SCAPER: variants seen among roughly 807,000 people sequenced by gnomAD.
SCAPER encodes S-phase cyclin A associated protein in the ER.
A neutral mutation model predicts 182.2 loss-of-function variants in SCAPER; 98 were observed. The ratio of observed to expected loss-of-function variants is 0.54; its 90% CI spans 0.46 to 0.64. The LOEUF (loss-of-function observed/expected upper bound fraction) is 0.64. Among genes scored for constraint, SCAPER ranks in the 30% least tolerant of loss-of-function variants. The probability of loss-of-function intolerance (pLI) is 0.00; values close to 1 mark genes in which losing one functional copy is unlikely to be tolerated. For missense variants in SCAPER, 1,432 were observed against 1,690.0 expected, an observed-to-expected ratio of 0.85 and a Z score of 2.68; for synonymous variants, 605 against 564.6, an observed-to-expected ratio of 1.07 and a Z score of -1.01.
At chr15:76,786,070 T>C (rs2064576766) in intron 8 of SCAPER, among the ~76,000 whole-genome samples, 2 of 152,084 alleles carry the variant, frequency 1.3e-5, no homozygotes, top group African/African-American at 4.8e-5. Context: ...GGCTCATGCC[T>C]GTAATCCCAG....
chr15:76,807,085 A>C (rs1310111038), intron 5 of SCAPER, among the ~76,000 whole-genome samples: 2 of 152,172 alleles, frequency 1.3e-5, no homozygotes, highest in East Asian at 3.8e-4. Context: ...TAGAACCTTT[A>C]GTACAATATT....
At chr15:76,808,189 G>C (rs1412442616) in intron 5 of SCAPER, among the ~76,000 whole-genome samples, 1 of 152,156 alleles carries the variant, frequency 6.6e-6, no homozygotes, top group African/African-American at 2.4e-5. Context: ...GGGTTTGTCT[G>C]CATACTTTTC....
At chr15:76,799,221 T>A (rs769210337) in intron 7 of SCAPER, among the ~76,000 whole-genome samples, 38 of 152,146 alleles carry the variant, frequency 2.5e-4, no homozygotes, top group Middle Eastern at 3.2e-3. Flanking sequence ...TGAGTTTTAA[T>A]CTTTGAATTA....
At chr15:76,848,744 T>A (rs2070405129) in intron 4 of SCAPER, among the ~76,000 whole-genome samples, 3 of 152,240 alleles carry the variant, frequency 2.0e-5, no homozygotes, top group Admixed American at 1.3e-4. Context: ...ATGTAATTTT[T>A]AAAATATAAA....
At chr15:76,484,824 G>A (rs1362665088) in intron 24 of SCAPER, among the ~76,000 whole-genome samples, 3 of 151,960 alleles carry the variant, frequency 2.0e-5, no homozygotes, top group African/African-American at 4.8e-5. Flanking sequence ...TACCTCAATA[G>A]ATGGAGAAAA....
intron 22 of SCAPER, among the ~76,000 whole-genome samples, chr15:76,603,154 T>G (rs1052989840): frequency 8.4e-6 from 1 of 119,324 alleles, no homozygotes; most frequent in South Asian, 2.6e-4. Flanking sequence ...CATTTAGCAT[T>G]AGGTATATCT....
chr15:76,444,243 A>G (rs1313735966), intron 25 of SCAPER, among the ~76,000 whole-genome samples: 1 of 152,108 alleles, frequency 6.6e-6, no homozygotes, highest in African/African-American at 2.4e-5. Flanking sequence ...AAAATCTGTA[A>G]AGGGCCCCAT....
chr15:76,348,504 C>T lies in SCAPER; in HGVS notation c.*129G>A, dbSNP rs553057599. ...CAGTCATTATAAATAGTGTAAAGTA[C>T]ATGCCATATCTACAGTGTGGGAAGA... On this transcript the variant is annotated 3_prime_UTR_variant, in exon 32 of 32. Coordinates refer to ENST00000563290, the MANE Select transcript of SCAPER (RefSeq NM_020843.4). The T allele has an allele frequency of 1.2e-5, 7 of 588,608 alleles. No individual in the cohort carries two copies. The South Asian group carries it at 1.9e-4, about 16-fold the overall frequency. The allele number at this position is 588,608 out of a possible 1,614,324, so 36.5% of individuals were successfully genotyped here.
chr15:76,491,373 A>T (rs991061240), intron 24 of SCAPER, among the ~76,000 whole-genome samples: 4 of 152,228 alleles, frequency 2.6e-5, no homozygotes, highest in Non-Finnish European at 5.9e-5. Flanking sequence ...TGCATAAAAC[A>T]TCCATAAACA....
chr15:76,517,032 T>C (rs1160434941), intron 23 of SCAPER, among the ~76,000 whole-genome samples: 8 of 152,094 alleles, frequency 5.3e-5, no homozygotes, highest in African/African-American at 1.7e-4. Flanking sequence ...TGTACAAAGC[T>C]AGAGGTAGCA....
At chr15:76,849,892 G>C (rs2070547052) in intron 4 of SCAPER, among the ~76,000 whole-genome samples, 1 of 152,162 alleles carries the variant, frequency 6.6e-6, no homozygotes, top group African/African-American at 2.4e-5. Flanking sequence ...AGGAGAAACA[G>C]GCACCTTCTT....
At chr15:76,702,771 G>C in intron 19 of SCAPER, 79 bp downstream of exon 19, 3 of 1,512,324 alleles carry the variant, frequency 2.0e-6, no homozygotes, top group Non-Finnish European at 2.7e-6. Flanking sequence ...AGTTTTAAAA[G>C]ACTGCAAGAA....
At chr15:76,807,864 C>T (rs2151554327) in intron 5 of SCAPER, among the ~76,000 whole-genome samples, 1 of 152,022 alleles carries the variant, frequency 6.6e-6, no homozygotes, top group South Asian at 2.1e-4. Flanking sequence ...TTTCTTATGT[C>T]CGTTTTTATT....
rs1198731713 is a variant in SCAPER at position 76,594,902 on chromosome 15, C to T, written c.2712-20618G>A. Among the ~76,000 whole-genome samples the T allele has an allele frequency of 6.6e-5, 8 of 120,988 alleles. 2 individuals are homozygous for T. The highest frequency in any genetic ancestry group is 1.2e-4 in the Non-Finnish European group (6 of 49,856). 79.4% of individuals were successfully genotyped at this position (120,988 alleles called of 152,430 possible). ...TAAACTGTAAAGACCATCAACACTA[C>T]GAAGAAATTGAATCAACTAACCGGC... On this transcript the variant is annotated intron_variant, in intron 22 of 31. Transcript: ENST00000563290.
chr15:76,645,167 G>C (rs138968876), intron 21 of SCAPER, among the ~76,000 whole-genome samples: 207 of 152,168 alleles, frequency 1.4e-3, no homozygotes, highest in African/African-American at 4.8e-3. Context: ...GAGGATGTGT[G>C]TAAGTTATAT....
At chr15:76,633,450 G>T (rs2053321945) in intron 21 of SCAPER, among the ~76,000 whole-genome samples, 1 of 152,196 alleles carries the variant, frequency 6.6e-6, no homozygotes, top group South Asian at 2.1e-4. Context: ...CTGCCCCTTG[G>T]CAGAGCAGGT....
intron 16 of SCAPER, among the ~76,000 whole-genome samples, chr15:76,731,058 A>T (rs948534309): frequency 3.3e-5 from 5 of 152,210 alleles, no homozygotes; most frequent in African/African-American, 1.2e-4. Context: ...GAAAGACAGG[A>T]AACTTTGTAC....
At chr15:76,838,949 A>G (rs2069193362) in intron 5 of SCAPER, among the ~76,000 whole-genome samples, 1 of 152,202 alleles carries the variant, frequency 6.6e-6, no homozygotes. Context: ...AGCACACTCC[A>G]AAAAGCAACT....
intron 23 of SCAPER, among the ~76,000 whole-genome samples, chr15:76,513,406 C>CCTGTGATATTAGAG (rs1268070628): frequency 2.6e-5 from 4 of 152,136 alleles, no homozygotes; most frequent in Non-Finnish European, 4.4e-5. Flanking sequence ...ATGATTTCTT[C>CCTGTGATATTAGAG]ATCTCATGGG....
Sources: allele counts gnomAD v4.1 joint callset (sites outside exome capture counted in the v4.1 genomes callset), GRCh38; gene constraint gnomAD v4.1.1; transcripts MANE v1.5; gene names NCBI Gene and HGNC (gene_info 2026-07-23, HGNC 2026-07-21).